WDR7: variants seen among roughly 807,000 people sequenced by gnomAD.
WDR7 encodes WD repeat-containing protein 7.
Under a neutral mutation model 169.4 loss-of-function variants are expected in WDR7, and 46 were observed. The observed-to-expected ratio is 0.27, with a 90% CI of 0.21 to 0.35. The LOEUF (loss-of-function observed/expected upper bound fraction) is 0.35, where lower values mean the gene tolerates loss of function less well. Ranked by LOEUF, WDR7 falls within the 10% of genes least tolerant of loss-of-function variation. The pLI is 1.00. For synonymous variants in WDR7, 612 were observed against 666.8 expected, an observed-to-expected ratio of 0.92 and a Z score of 1.27; for missense variants, 1,534 against 1,859.3, an observed-to-expected ratio of 0.83 and a Z score of 3.22.
At chr18:56,950,434 C>T (rs979202910) in intron 25 of WDR7, among the ~76,000 whole-genome samples, 30 of 152,096 alleles carry the variant, frequency 2.0e-4, no homozygotes, top group Admixed American at 1.8e-3. Context: ...AAAGTCAACA[C>T]GATGAAAAGG....
At chr18:56,953,907 T>C (rs2047215664) in intron 25 of WDR7, among the ~76,000 whole-genome samples, 1 of 152,226 alleles carries the variant, frequency 6.6e-6, no homozygotes, top group African/African-American at 2.4e-5. Context: ...GACTAATGAA[T>C]CAATGATTAC....
intron 26 of WDR7, among the ~76,000 whole-genome samples, chr18:57,002,703 C>T (rs904903562): frequency 1.3e-5 from 2 of 152,142 alleles, no homozygotes; most frequent in African/African-American, 4.8e-5. Flanking sequence ...CTGCAGCTGT[C>T]AGCTCATTTT....
intron 22 of WDR7, among the ~76,000 whole-genome samples, chr18:56,926,096 C>G (rs2046803017): frequency 6.6e-6 from 1 of 152,132 alleles, no homozygotes; most frequent in African/African-American, 2.4e-5. Context: ...CTGCCTGACT[C>G]TAGAATGAGC....
At chr18:56,938,309 TTAACGTCTC>T (rs1195804938) in intron 23 of WDR7, among the ~76,000 whole-genome samples, 1 of 152,240 alleles carries the variant, frequency 6.6e-6, no homozygotes, top group Non-Finnish European at 1.5e-5. Context: ...TAGTGTTGTA[TTAACGTCTC>T]ATATAATGTT....
chr18:56,703,687 GA>G (rs1045347674), intron 12 of WDR7, among the ~76,000 whole-genome samples: 4 of 151,680 alleles, frequency 2.6e-5, no homozygotes, highest in Admixed American at 1.3e-4. Context: ...CATAGTTATA[GA>G]AAATAGAGAT....
chr18:56,784,407 C>CT (rs1170328071), intron 19 of WDR7, among the ~76,000 whole-genome samples: 3 of 152,268 alleles, frequency 2.0e-5, no homozygotes, highest in East Asian at 3.9e-4. Flanking sequence ...CAATACGTAG[C>CT]TTTTTTTATC....
chr18:56,670,677 A>G (rs2025114380), intron 1 of WDR7, among the ~76,000 whole-genome samples: 1 of 152,082 alleles, frequency 6.6e-6, no homozygotes, highest in Non-Finnish European at 1.5e-5. Context: ...CGCCTGGCTA[A>G]TGTTTGTATT....
chr18:56,916,079 G>A (rs908908902), intron 21 of WDR7, among the ~76,000 whole-genome samples: 1 of 152,148 alleles, frequency 6.6e-6, no homozygotes, highest in Admixed American at 6.5e-5. Context: ...TTCCTATGAG[G>A]TCTTTGGGTT....
intron 26 of WDR7, among the ~76,000 whole-genome samples, chr18:56,981,676 G>A (rs1226544483): frequency 6.6e-6 from 1 of 152,150 alleles, no homozygotes; most frequent in Admixed American, 6.5e-5. Context: ...AAAAGGTCAA[G>A]TAAGATAAAA....
At chr18:56,999,927 C>G (rs2047951708) in intron 26 of WDR7, among the ~76,000 whole-genome samples, 1 of 152,148 alleles carries the variant, frequency 6.6e-6, no homozygotes, top group African/African-American at 2.4e-5. Flanking sequence ...ATGAGCTTCT[C>G]CTGTCAACAA....
intron 25 of WDR7, among the ~76,000 whole-genome samples, chr18:56,954,567 G>A (rs1289462958): frequency 6.6e-6 from 1 of 152,086 alleles, no homozygotes; most frequent in Non-Finnish European, 1.5e-5. Flanking sequence ...AAAAGATCTG[G>A]AAAGACACAC....
chr18:56,794,119 A>G (rs1264846559), intron 19 of WDR7, among the ~76,000 whole-genome samples: 1 of 152,006 alleles, frequency 6.6e-6, no homozygotes, highest in East Asian at 1.9e-4. Context: ...TATCAAACGT[A>G]GAGAAAGGTG....
At chr18:57,023,743 AGAG>A (rs2048321748) in intron 27 of WDR7, among the ~76,000 whole-genome samples, 1 of 152,210 alleles carries the variant, frequency 6.6e-6, no homozygotes, top group Non-Finnish European at 1.5e-5. Flanking sequence ...CATTTGAGCA[AGAG>A]GAGGAGTTTA....
chr18:56,993,928 C>T (rs1393911375), intron 26 of WDR7, among the ~76,000 whole-genome samples: 2 of 151,956 alleles, frequency 1.3e-5, no homozygotes, highest in Non-Finnish European at 2.9e-5. Context: ...ATACCGCTTA[C>T]TTTATATTGT....
chr18:56,934,119 A>G (rs184777499), intron 22 of WDR7, among the ~76,000 whole-genome samples: 1 of 152,324 alleles, frequency 6.6e-6, no homozygotes, highest in Admixed American at 6.5e-5. Context: ...ATTCATCCAC[A>G]TTGATGGATG....
intron 21 of WDR7, among the ~76,000 whole-genome samples, chr18:56,896,310 C>T (rs1435937847): frequency 2.0e-5 from 3 of 151,758 alleles, no homozygotes; most frequent in South Asian, 2.1e-4. Flanking sequence ...TATTTGTCAT[C>T]GTTTTTGTTA....
intron 1 of WDR7, among the ~76,000 whole-genome samples, chr18:56,659,784 T>G (rs2024865065): frequency 6.6e-6 from 1 of 151,890 alleles, no homozygotes; most frequent in African/African-American, 2.4e-5. Flanking sequence ...TAGGCAGTTG[T>G]ATGTAGAGTT....
intron 20 of WDR7, among the ~76,000 whole-genome samples, chr18:56,829,319 G>T (rs2045269544): frequency 6.6e-6 from 1 of 151,514 alleles, no homozygotes; most frequent in African/African-American, 2.4e-5. Flanking sequence ...CACAAAATAG[G>T]ACTGTAACCC....
At chr18:56,972,044 A>G (rs1434839395) in intron 26 of WDR7, among the ~76,000 whole-genome samples, 5 of 152,200 alleles carry the variant, frequency 3.3e-5, no homozygotes, top group Non-Finnish European at 5.9e-5. Flanking sequence ...CTAAAATTAT[A>G]TTTTGGGGGA....
Sources: gnomAD v4.1 joint callset for allele counts (sites outside exome capture counted in the v4.1 genomes callset) on GRCh38, gnomAD v4.1.1 for gene constraint, MANE v1.5 for transcripts, NCBI Gene and HGNC (gene_info 2026-07-23, HGNC 2026-07-21) for gene names.